The following ARHGAP28 variants were observed in gnomAD, a reference collection of about 807,000 sequenced individuals.
ARHGAP28 encodes the protein Rho GTPase activating protein 28, also known as rho GTPase-activating protein 28.
A neutral mutation model predicts 90.7 loss-of-function variants in ARHGAP28; 56 were observed. The observed-to-expected ratio is 0.62, with a 90% CI of 0.50 to 0.77. The LOEUF is 0.77. Ranked by LOEUF, ARHGAP28 falls within the 30% of genes least tolerant of loss-of-function variation. The pLI is 0.00. For missense variants in ARHGAP28, 869 were observed against 900.9 expected, an observed-to-expected ratio of 0.96 and a Z score of 0.45; for synonymous variants, 308 against 323.3, an observed-to-expected ratio of 0.95 and a Z score of 0.51.
chr18:6,791,900 T>G (rs1194637783), intron 1 of ARHGAP28, among the ~76,000 whole-genome samples: 1 of 152,028 alleles, frequency 6.6e-6, no homozygotes, highest in Non-Finnish European at 1.5e-5. Flanking sequence ...TCACCCAGGC[T>G]GGATTCTCCT....
intron 1 of ARHGAP28, among the ~76,000 whole-genome samples, chr18:6,778,442 G>A (rs2056300949): frequency 1.3e-5 from 2 of 152,106 alleles, no homozygotes; most frequent in South Asian, 4.1e-4. Context: ...TTTTAGCAAT[G>A]GTCACTGCAT....
chr18:6,898,359 CT>C, intron 16 of ARHGAP28: 1 of 677,846 alleles, frequency 1.5e-6, no homozygotes, highest in Non-Finnish European at 2.5e-6. Context: ...AAGTTGTATA[CT>C]TCTGACTTGT....
In ARHGAP28 at chr18:6,729,907, GCGCGCCCCGC is replaced by G; in HGVS notation, c.87_96del (p.Cys29TrpfsTer42). The G allele has an allele frequency of 2.8e-6, 4 of 1,412,634 alleles. No homozygotes were observed. The highest frequency in any genetic ancestry group is 3.7e-6 in the Non-Finnish European group (4 of 1,085,468). 87.5% of individuals were successfully genotyped at this position (1,412,634 alleles called of 1,614,324 possible). On this transcript the variant is annotated frameshift_variant, in exon 1 of 18. Coordinates refer to ENST00000383472, the MANE Select transcript of ARHGAP28 (RefSeq NM_001366230.1). LOFTEE classifies it high-confidence loss of function. ...CAGCCCCCCAACGCCGAGTCGCGCT[GCGCGCCCCGC>G]GCCGCAGCCAGCCACCCGCTCAGCA...
intron 17 of ARHGAP28, among the ~76,000 whole-genome samples, chr18:6,910,459 C>G (rs1391868861): frequency 6.6e-6 from 1 of 152,098 alleles, no homozygotes; most frequent in African/African-American, 2.4e-5. Context: ...ACCTGTAAAT[C>G]CAATCACCTG....
intron 5 of ARHGAP28, among the ~76,000 whole-genome samples, chr18:6,861,430 G>T (rs78602930): frequency 1.3e-5 from 2 of 152,156 alleles, no homozygotes; most frequent in Non-Finnish European, 1.5e-5. Context: ...CCCTCCCAGA[G>T]CCTCAAGTCA....
At chr18:6,866,608 A>G (rs914449694) in intron 5 of ARHGAP28, among the ~76,000 whole-genome samples, 3 of 152,280 alleles carry the variant, frequency 2.0e-5, no homozygotes, top group African/African-American at 7.2e-5. Flanking sequence ...CAGTGGCTTC[A>G]TTTTCGTAAT....
chr18:6,779,766 C>G (rs1352800732), intron 1 of ARHGAP28, among the ~76,000 whole-genome samples: 1 of 152,166 alleles, frequency 6.6e-6, no homozygotes, highest in African/African-American at 2.4e-5. Flanking sequence ...ATCCATTTGT[C>G]AAGACTCATG....
intron 3 of ARHGAP28, among the ~76,000 whole-genome samples, chr18:6,841,907 G>C (rs1261607806): frequency 6.6e-6 from 1 of 152,096 alleles, no homozygotes. Flanking sequence ...GTATTTGTTT[G>C]TTCACTTTAT....
At chr18:6,749,984 C>T (rs1175822555) in intron 1 of ARHGAP28, among the ~76,000 whole-genome samples, 2 of 152,088 alleles carry the variant, frequency 1.3e-5, no homozygotes, top group East Asian at 1.9e-4. Context: ...TTGTGATGAT[C>T]TCCAACTCAG....
intron 5 of ARHGAP28, among the ~76,000 whole-genome samples, chr18:6,864,696 T>C (rs904667597): frequency 1.3e-5 from 2 of 152,254 alleles, no homozygotes; most frequent in Non-Finnish European, 2.9e-5. Flanking sequence ...TTTATTTATT[T>C]ATTTTTGAGA....
chr18:6,851,219 T>C, intron 4 of ARHGAP28, 93 bp downstream of exon 4: 1 of 1,120,340 alleles, frequency 8.9e-7, no homozygotes, highest in Non-Finnish European at 1.3e-6. Context: ...GCAACATAAT[T>C]AAGATGGCTG....
chr18:6,821,197 G>C (rs989752612), intron 1 of ARHGAP28, among the ~76,000 whole-genome samples: 2 of 151,826 alleles, frequency 1.3e-5, no homozygotes, highest in African/African-American at 4.8e-5. Context: ...AAAGATCTCT[G>C]GTATCTACTA....
intron 1 of ARHGAP28, among the ~76,000 whole-genome samples, chr18:6,801,476 A>C (rs911144620): frequency 9.2e-5 from 14 of 152,140 alleles, no homozygotes; most frequent in Admixed American, 7.2e-4. Context: ...AGTTTTGGCT[A>C]TTTCAGGTTC....
At chr18:6,807,626 CA>C (rs2056528295) in intron 1 of ARHGAP28, among the ~76,000 whole-genome samples, 1 of 152,210 alleles carries the variant, frequency 6.6e-6, no homozygotes. Context: ...GCTGAGAACA[CA>C]AACTATTCCT....
At chr18:6,786,923 A>G (rs1187733020) in intron 1 of ARHGAP28, among the ~76,000 whole-genome samples, 1 of 151,886 alleles carries the variant, frequency 6.6e-6, no homozygotes, top group Non-Finnish European at 1.5e-5. Flanking sequence ...TCATTCATTC[A>G]CAATTGAAGT....
At chr18:6,839,994 T>C (rs2056792616) in intron 3 of ARHGAP28, among the ~76,000 whole-genome samples, 1 of 152,196 alleles carries the variant, frequency 6.6e-6, no homozygotes, top group Non-Finnish European at 1.5e-5. Context: ...GATGTTCTGC[T>C]GGGTTCTAGC....
chr18:6,879,574 C>CA (rs1213876185), intron 10 of ARHGAP28, among the ~76,000 whole-genome samples: 2 of 151,940 alleles, frequency 1.3e-5, no homozygotes, highest in Non-Finnish European at 2.9e-5. Flanking sequence ...TGTTCAGAAC[C>CA]AAAAAAAGAC....
intron 10 of ARHGAP28, among the ~76,000 whole-genome samples, chr18:6,880,580 G>C (rs751890267): frequency 6.6e-6 from 1 of 152,170 alleles, no homozygotes; most frequent in Non-Finnish European, 1.5e-5. Flanking sequence ...ACTGGCGCTC[G>C]CTGCTCTCCA....
At chr18:6,912,015 A>C in intron 17 of ARHGAP28, 45 bp from the exon 18 acceptor site, 1 of 1,350,902 alleles carries the variant, frequency 7.4e-7, no homozygotes, top group South Asian at 1.3e-5. Context: ...GCACGCACAC[A>C]CACACAAATG....
Sources: allele counts gnomAD v4.1 joint callset (sites outside exome capture counted in the v4.1 genomes callset), GRCh38; gene constraint gnomAD v4.1.1; transcripts MANE v1.5; gene names NCBI Gene and HGNC (gene_info 2026-07-23, HGNC 2026-07-21).